LGR6: variants seen among roughly 807,000 people sequenced by gnomAD.
The protein encoded by LGR6 is leucine-rich repeat-containing G protein-coupled receptor 6.
A neutral mutation model predicts 69.4 loss-of-function variants in LGR6; 45 were observed. The observed-to-expected ratio is 0.65, with a 90% CI of 0.51 to 0.83. LGR6 has a LOEUF of 0.83. Ranked by LOEUF, LGR6 falls within the 40% of genes least tolerant of loss-of-function variation. The pLI is 0.00. For synonymous variants in LGR6, 538 were observed against 555.0 expected, an observed-to-expected ratio of 0.97 and a Z score of 0.43; for missense variants, 1,108 against 1,246.7, an observed-to-expected ratio of 0.89 and a Z score of 1.68.
At chr1:202,300,115 T>G (rs115818847) in intron 7 of LGR6, among the ~76,000 whole-genome samples, 85 of 152,360 alleles carry the variant, frequency 5.6e-4, no homozygotes, top group African/African-American at 2.0e-3. Flanking sequence ...ATCCCTCACT[T>G]GGGATCCCCT....
chr1:202,298,998 G>A (rs1275578419), intron 7 of LGR6, among the ~76,000 whole-genome samples: 2 of 151,212 alleles, frequency 1.3e-5, no homozygotes, highest in Non-Finnish European at 2.9e-5. Flanking sequence ...GGTGGTTCAT[G>A]CCTATAATCC....
At chr1:202,194,385 A>G (rs1658552926) in intron 1 of LGR6, among the ~76,000 whole-genome samples, 184 bp downstream of exon 1, 1 of 152,108 alleles carries the variant, frequency 6.6e-6, no homozygotes, top group Non-Finnish European at 1.5e-5. Flanking sequence ...ACTAAATACC[A>G]GGCGAGCAGG....
At chr1:202,306,416 G>A (rs1004045364) in intron 12 of LGR6, among the ~76,000 whole-genome samples, 6 of 152,190 alleles carry the variant, frequency 3.9e-5, no homozygotes, top group Non-Finnish European at 8.8e-5. Flanking sequence ...TGTTTGTCTA[G>A]GTGCCAAGGG....
intron 4 of LGR6, among the ~76,000 whole-genome samples, chr1:202,239,536 C>G (rs1410076509): frequency 6.6e-6 from 1 of 151,970 alleles, no homozygotes; most frequent in African/African-American, 2.4e-5. Context: ...AGCAGGAAAG[C>G]AAGGTGATAG....
At chr1:202,220,222 CA>C (rs1431031289) in intron 1 of LGR6, among the ~76,000 whole-genome samples, 1 of 150,136 alleles carries the variant, frequency 6.7e-6, no homozygotes, top group Admixed American at 6.6e-5. Flanking sequence ...CTTCACACTA[CA>C]ATTTTTTTTT....
At chr1:202,198,929 C>T (rs894407589) in intron 1 of LGR6, among the ~76,000 whole-genome samples, 1 of 152,058 alleles carries the variant, frequency 6.6e-6, no homozygotes, top group Non-Finnish European at 1.5e-5. Flanking sequence ...CCTTCCCTGG[C>T]CCAGTCTTAG....
chr1:202,317,722 CG>C (rs1394233035), intron 17 of LGR6, among the ~76,000 whole-genome samples: 3 of 152,150 alleles, frequency 2.0e-5, no homozygotes, highest in African/African-American at 7.2e-5. Context: ...GAAGAAGAGT[CG>C]TGTATGTCCC....
chr1:202,291,092 A>G (rs1008377522), intron 6 of LGR6, among the ~76,000 whole-genome samples: 3 of 152,150 alleles, frequency 2.0e-5, no homozygotes, highest in African/African-American at 7.2e-5. Context: ...GATTGCATGG[A>G]TTTGCCATTT....
chr1:202,281,932 AT>A (rs1666035145), intron 6 of LGR6, among the ~76,000 whole-genome samples: 1 of 152,164 alleles, frequency 6.6e-6, no homozygotes, highest in Non-Finnish European at 1.5e-5. Context: ...GGGAAAACTT[AT>A]CCCAGGAGGC....
At chr1:202,252,444 C>T (rs1296164486) in intron 4 of LGR6, among the ~76,000 whole-genome samples, 1 of 152,190 alleles carries the variant, frequency 6.6e-6, no homozygotes, top group East Asian at 1.9e-4. Context: ...TATTTCTTGT[C>T]TCTTAGCCTT....
chr1:202,220,100 G>A (rs185052202), intron 1 of LGR6, among the ~76,000 whole-genome samples: 35 of 151,988 alleles, frequency 2.3e-4, no homozygotes, highest in Admixed American at 8.5e-4. Context: ...GGCTGGTCTC[G>A]AACTCCTGAC....
intron 16 of LGR6, among the ~76,000 whole-genome samples, chr1:202,311,182 C>T (rs1379964996): frequency 6.6e-6 from 1 of 152,070 alleles, no homozygotes; most frequent in East Asian, 1.9e-4. Flanking sequence ...CCATCTCTAA[C>T]TCTCCACAAT....
Position 202,305,679 on chromosome 1 carries a change from C to T in LGR6, c.1071-5C>T, listed in dbSNP as rs772728662. ...CCCCAGCCCTGGCCTTTCTCTTTTCCCCAGGGAACTGTCTCACAATCAAAT... is the reference window on the plus strand; with the variant it reads ...CCCCAGCCCTGGCCTTTCTCTTTTCTCCAGGGAACTGTCTCACAATCAAAT... On this transcript the variant is annotated splice_region_variant and splice_polypyrimidine_tract_variant and intron_variant, in intron 11 of 17. Transcript: ENST00000367278. 14 of 1,613,334 alleles carry T rather than the reference C, an allele frequency of 8.7e-6. No individual in the cohort carries two copies. The East Asian group carries it at 1.1e-4, about 13-fold the overall frequency.
chr1:202,254,301 C>T (rs1479778948), intron 4 of LGR6, among the ~76,000 whole-genome samples: 5 of 152,310 alleles, frequency 3.3e-5, no homozygotes, highest in African/African-American at 1.2e-4. Flanking sequence ...CATCATTTTC[C>T]ACCAGGGTGG....
At position 202,243,979 on chromosome 1, in the gene LGR6, T is replaced by C. The variant is rs188285428; in HGVS notation, c.428+7986T>C. 4.8e-3 allele frequency among the ~76,000 whole-genome samples: 736 copies of C among 152,102 alleles called. 5 individuals carry two copies. The highest frequency in any genetic ancestry group is 0.017 in the African/African-American group (695 of 41,490). ...GTTGTTGTTGTTGTTGTTTTTGAGA[T>C]GGAGTCTCGCTCTGTCACCCAGGCT... On this transcript the variant is annotated intron_variant, in intron 4 of 17. Coordinates refer to ENST00000367278, the MANE Select transcript of LGR6 (RefSeq NM_001017403.2).
rs920182997 is a variant in LGR6 at position 202,318,003 on chromosome 1, C to T, written c.1700C>T (p.Ala567Val). 6.2e-7 allele frequency: 1 copy of T among 1,614,032 alleles called. No homozygotes were observed. The highest frequency in any genetic ancestry group is 8.5e-7 in the Non-Finnish European group (1 of 1,179,966). Reference protein sequence around the residue: ...YLFESWGIRLAVWAIVLLSVL... With the variant: ...YLFESWGIRLVVWAIVLLSVL... Reference sequence around the variant, plus strand: ...TTTGAAAGCTGGGGCATCCGCCTGGCCGTGTGGGCCATCGTGTTGCTCTCC... The same window carrying T: ...TTTGAAAGCTGGGGCATCCGCCTGGTCGTGTGGGCCATCGTGTTGCTCTCC... Residue 567 changes from alanine to valine, a missense_variant, in exon 18 of 18, where the codon GCC becomes GTC. Physicochemically the swap from Ala to Val is moderately conservative, Grantham distance 64. Coordinates refer to ENST00000367278, the MANE Select transcript of LGR6 (RefSeq NM_001017403.2).
intron 1 of LGR6, among the ~76,000 whole-genome samples, chr1:202,216,342 G>A (rs778428858): frequency 3.3e-5 from 5 of 152,170 alleles, no homozygotes; most frequent in South Asian, 2.1e-4. Flanking sequence ...ATCCAAAATC[G>A]CAGAAGCCAG....
At chr1:202,217,677 T>G (rs1659877360) in intron 1 of LGR6, among the ~76,000 whole-genome samples, 1 of 151,348 alleles carries the variant, frequency 6.6e-6, no homozygotes, top group Non-Finnish European at 1.5e-5. Flanking sequence ...AACCCCCCAC[T>G]CCAGGCACCC....
At chr1:202,285,318 C>G (rs943759573) in intron 6 of LGR6, among the ~76,000 whole-genome samples, 1 of 152,156 alleles carries the variant, frequency 6.6e-6, no homozygotes, top group Non-Finnish European at 1.5e-5. Flanking sequence ...AGCCTTTGGC[C>G]AGGGACAGGA....
Sources: gnomAD v4.1 joint callset for allele counts (sites outside exome capture counted in the v4.1 genomes callset) on GRCh38, gnomAD v4.1.1 for gene constraint, MANE v1.5 for transcripts, NCBI Gene and HGNC (gene_info 2026-07-23, HGNC 2026-07-21) for gene names.